STPG2: variants seen among roughly 807,000 people sequenced by gnomAD.
STPG2 encodes sperm-tail PG-rich repeat-containing protein 2.
In STPG2, 56 loss-of-function variants were observed where a neutral mutation model predicts 54.2. The observed-to-expected ratio is 1.03, with a 90% CI of 0.83 to 1.29. STPG2 has a LOEUF of 1.29. Ranked by LOEUF, STPG2 falls within the 50% of genes most tolerant of loss-of-function variation. STPG2 has a pLI of 0.00. For synonymous variants in STPG2, 200 were observed against 181.8 expected, an observed-to-expected ratio of 1.10 and a Z score of -0.81; for missense variants, 596 against 544.9, an observed-to-expected ratio of 1.09 and a Z score of -0.93.
At chr4:98,005,734 GAAT>G (rs1483284732) in intron 5 of STPG2, among the ~76,000 whole-genome samples, 1 of 152,048 alleles carries the variant, frequency 6.6e-6, no homozygotes, top group Non-Finnish European at 1.5e-5. Context: ...TGTTCATTGT[GAAT>G]AATTCATTTG....
intron 4 of STPG2, among the ~76,000 whole-genome samples, chr4:97,541,987 C>G (rs903569214): frequency 5.3e-5 from 8 of 152,158 alleles, no homozygotes; most frequent in African/African-American, 1.9e-4. Context: ...GGATTAAAGA[C>G]TTAAACGTTA....
chr4:97,890,807 C>T (rs2149174620), intron 8 of STPG2, among the ~76,000 whole-genome samples: 1 of 151,862 alleles, frequency 6.6e-6, no homozygotes, highest in Admixed American at 6.6e-5. Flanking sequence ...AAAATATGTG[C>T]AACTACTACA....
chr4:98,000,055 T>C (rs1383419308), intron 5 of STPG2, among the ~76,000 whole-genome samples: 1 of 152,198 alleles, frequency 6.6e-6, no homozygotes, highest in Non-Finnish European at 1.5e-5. Context: ...CTCTTTATAA[T>C]GGCCCATATG....
chr4:97,758,773 C>T (rs1182631038), intron 9 of STPG2, among the ~76,000 whole-genome samples: 1 of 151,884 alleles, frequency 6.6e-6, no homozygotes. Flanking sequence ...ACATGTATCC[C>T]AGAACTTAAA....
intron 10 of STPG2, among the ~76,000 whole-genome samples, chr4:97,564,660 C>G (rs1732372239): frequency 6.6e-6 from 1 of 152,166 alleles, no homozygotes; most frequent in South Asian, 2.1e-4. Context: ...GTTTGCTTGT[C>G]TGTAAAGTAT....
chr4:98,019,388 T>G (rs10004497), intron 5 of STPG2, among the ~76,000 whole-genome samples: 60,046 of 150,774 alleles, frequency 0.4, 12,280 homozygotes, highest in African/African-American at 0.47. Context: ...CTCTGTTTTG[T>G]TACCAGTACC....
At chr4:98,033,495 T>A (rs553472180) in intron 5 of STPG2, among the ~76,000 whole-genome samples, 170 of 152,144 alleles carry the variant, frequency 1.1e-3, no homozygotes, top group African/African-American at 3.9e-3. Context: ...CAGGACCAGA[T>A]GGATTCACAG....
chr4:97,781,282 A>T (rs1005211110), intron 9 of STPG2, among the ~76,000 whole-genome samples: 2 of 152,210 alleles, frequency 1.3e-5, no homozygotes, highest in Admixed American at 1.3e-4. Context: ...ACAAACTACC[A>T]TCAGAGAATA....
chr4:97,886,101 T>A (rs969282936), intron 8 of STPG2, among the ~76,000 whole-genome samples: 4 of 152,170 alleles, frequency 2.6e-5, no homozygotes, highest in Admixed American at 2.0e-4. Flanking sequence ...CTAATACTTA[T>A]AATTCAACAA....
chr4:97,684,102 C>T (rs922493848), intron 10 of STPG2, among the ~76,000 whole-genome samples: 9 of 151,652 alleles, frequency 5.9e-5, no homozygotes, highest in Non-Finnish European at 1.0e-4. Context: ...TGAAATAAAT[C>T]GAAGATATAA....
intron 5 of STPG2, among the ~76,000 whole-genome samples, chr4:98,037,669 A>G (rs1472281059): frequency 6.6e-6 from 1 of 152,090 alleles, no homozygotes; most frequent in Non-Finnish European, 1.5e-5. Context: ...GGAAAACACA[A>G]AAGAATTAAA....
chr4:97,691,607 G>GA (rs1197565037), intron 10 of STPG2, among the ~76,000 whole-genome samples: 1 of 151,960 alleles, frequency 6.6e-6, no homozygotes, highest in African/African-American at 2.4e-5. Flanking sequence ...GGTAGCACAA[G>GA]AAAAAAGACT....
intron 4 of STPG2, among the ~76,000 whole-genome samples, chr4:97,526,773 T>G (rs1222318005): frequency 6.6e-6 from 1 of 152,146 alleles, no homozygotes; most frequent in Non-Finnish European, 1.5e-5. Context: ...TGAATGGTAT[T>G]GCCTAGGTTT....
At chr4:97,570,916 TAATC>T (rs958316710) in intron 10 of STPG2, among the ~76,000 whole-genome samples, 8 of 152,158 alleles carry the variant, frequency 5.3e-5, no homozygotes, top group Admixed American at 2.0e-4. Flanking sequence ...TTTTTTGTGT[TAATC>T]AGTCTTTCGT....
intron 4 of STPG2, among the ~76,000 whole-genome samples, chr4:97,456,891 C>CAA (rs57563048): frequency 6.1e-5 from 3 of 48,900 alleles, no homozygotes; most frequent in Non-Finnish European, 7.2e-5. Flanking sequence ...TGCTCCGTCT[C>CAA]AAAAAAAAAA....
chr4:98,032,856 C>G (rs1444216479), intron 5 of STPG2, among the ~76,000 whole-genome samples: 1 of 152,012 alleles, frequency 6.6e-6, no homozygotes, highest in Non-Finnish European at 1.5e-5. Context: ...GGGTAAATAA[C>G]AAAATGAAGG....
intron 9 of STPG2, among the ~76,000 whole-genome samples, chr4:97,831,853 A>T (rs1349393793): frequency 6.6e-5 from 10 of 152,138 alleles, no homozygotes; most frequent in Non-Finnish European, 1.5e-4. Flanking sequence ...ACCAATAACA[A>T]GTTCTGAAAT....
intron 4 of STPG2, among the ~76,000 whole-genome samples, chr4:97,467,664 G>A (rs1264121479): frequency 6.6e-6 from 1 of 151,886 alleles, no homozygotes; most frequent in Non-Finnish European, 1.5e-5. Flanking sequence ...TTATGAGAAA[G>A]TAGGCAAATA....
chr4:97,710,121 T>C (rs1419268355), intron 10 of STPG2, among the ~76,000 whole-genome samples: 1 of 26,316 alleles, frequency 3.8e-5, no homozygotes, highest in African/African-American at 2.3e-4. Context: ...TGTATGCACA[T>C]TTTTTATGAG....
Sources: gnomAD v4.1 joint callset for allele counts (sites outside exome capture counted in the v4.1 genomes callset) on GRCh38, gnomAD v4.1.1 for gene constraint, MANE v1.5 for transcripts, NCBI Gene and HGNC (gene_info 2026-07-23, HGNC 2026-07-21) for gene names.